RYR3: variants seen among roughly 807,000 people sequenced by gnomAD.
The protein encoded by RYR3 is brain ryanodine receptor-calcium release channel.
In RYR3, 207 loss-of-function variants were observed where a neutral mutation model predicts 584.3. The ratio of observed to expected loss-of-function variants is 0.35; its 90% CI spans 0.32 to 0.40. RYR3 has a LOEUF of 0.40. RYR3 is among the 10% of genes least tolerant of loss of function. The pLI, the probability that RYR3 is intolerant of heterozygous loss-of-function variation, is 1.00. For missense variants in RYR3, 5,616 were observed against 6,089.2 expected (o/e 0.92, Z 2.59); for synonymous variants, 2,416 against 2,248.5 (o/e 1.07, Z -2.11).
chr15:33,723,944 A>G (rs890794459), intron 44 of RYR3, 121 bp from the exon 45 acceptor site: 3 of 612,602 alleles, frequency 4.9e-6, no homozygotes, highest in Admixed American at 3.0e-5. Flanking sequence ...ACGAGGTTCC[A>G]AGGGAAAGGA....
intron 5 of RYR3, among the ~76,000 whole-genome samples, chr15:33,537,546 C>T (rs2055434962): frequency 6.6e-6 from 1 of 151,878 alleles, no homozygotes; most frequent in Middle Eastern, 3.4e-3. Flanking sequence ...AATTTTTTTT[C>T]CTCAGCTTCC....
intron 1 of RYR3, among the ~76,000 whole-genome samples, chr15:33,364,607 C>T (rs928521673): frequency 6.6e-6 from 1 of 152,166 alleles, no homozygotes; most frequent in Non-Finnish European, 1.5e-5. Flanking sequence ...TAAAAAGCAG[C>T]GTACCAGACA....
intron 20 of RYR3, among the ~76,000 whole-genome samples, chr15:33,628,028 A>G (rs2061080483): frequency 6.6e-6 from 1 of 152,226 alleles, no homozygotes; most frequent in South Asian, 2.1e-4. Context: ...AAGATTTTGA[A>G]GGAAAAATAA....
intron 74 of RYR3, 51 bp from the exon 75 acceptor site, chr15:33,816,811 G>A: frequency 8.0e-7 from 1 of 1,255,880 alleles, no homozygotes; most frequent in Non-Finnish European, 1.1e-6. Context: ...CAAACTAAAA[G>A]AACAAGTTCC....
chr15:33,636,881 A>C (rs12148702), intron 27 of RYR3, among the ~76,000 whole-genome samples: 125,144 of 152,202 alleles, frequency 0.82, 51,673 homozygotes, highest in Non-Finnish European at 0.85. Context: ...GACTAATGTC[A>C]TTGACAGGAG....
chr15:33,750,873 C>T (rs1406635263), intron 57 of RYR3, among the ~76,000 whole-genome samples: 2 of 152,068 alleles, frequency 1.3e-5, no homozygotes, highest in African/African-American at 2.4e-5. Context: ...CCCTCCCCTA[C>T]CCCCACAACC....
At chr15:33,467,723 G>C (rs2048600353) in intron 1 of RYR3, among the ~76,000 whole-genome samples, 1 of 152,192 alleles carries the variant, frequency 6.6e-6, no homozygotes, top group Admixed American at 6.5e-5. Context: ...GAACCACATA[G>C]CTTGGAGGGA....
intron 30 of RYR3, among the ~76,000 whole-genome samples, chr15:33,648,493 A>G (rs2062237928): frequency 6.6e-6 from 1 of 152,248 alleles, no homozygotes; most frequent in African/African-American, 2.4e-5. Context: ...AAACTGCTGT[A>G]CTTCTCAATA....
intron 1 of RYR3, among the ~76,000 whole-genome samples, chr15:33,460,429 G>A (rs1414192786): frequency 6.6e-6 from 1 of 152,214 alleles, no homozygotes; most frequent in Non-Finnish European, 1.5e-5. Flanking sequence ...AGAGCCTTGT[G>A]TAAATTGGGA....
At chr15:33,696,157 A>G (rs923204283) in intron 38 of RYR3, 61 bp from the exon 39 acceptor site, 79 of 1,523,018 alleles carry the variant, frequency 5.2e-5, no homozygotes, top group Non-Finnish European at 6.7e-5. Context: ...AGTGGCTGAA[A>G]CACCCAGCTC....
In RYR3 at chr15:33,636,563, C is replaced by T. The variant is rs768435627; in HGVS notation, c.3556+13C>T. The stretch of plus-strand genomic sequence containing the variant: ...GAGATTGAGAATGGTAAATCTAACA[C>T]CCTCTGCCAACCCCAGCTCCATGAG... On this transcript the variant is annotated intron_variant, in intron 27 of 103. Transcript: ENST00000634891. 3 of 1,561,888 alleles carry T rather than the reference C, an allele frequency of 1.9e-6. No homozygotes were observed. In the South Asian group the frequency reaches 3.7e-5, roughly 19 times the overall value.
In RYR3 at chr15:33,655,999, C is replaced by T. The variant is rs543216479; in HGVS notation, c.4308+3116C>T. ...TAAATAGTGATAAACAATTTGAACA[C>T]ATTTTTCTGTCCACTTAATATAATC... On this transcript the variant is annotated intron_variant, in intron 32 of 103. Transcript: ENST00000634891. 2.0e-5 allele frequency among the ~76,000 whole-genome samples: 3 copies of T among 152,324 alleles called. No individual in the cohort carries two copies. In the South Asian group the frequency reaches 6.2e-4, roughly 32 times the overall value.
chr15:33,814,861 A>G (rs1445806030), intron 74 of RYR3, among the ~76,000 whole-genome samples: 4 of 145,378 alleles, frequency 2.8e-5, no homozygotes. Context: ...AGATCACGCT[A>G]CTGCACTCTA....
At chr15:33,810,414 C>T (rs1388108829) in intron 70 of RYR3, 65 bp from the exon 71 acceptor site, 4 of 1,556,382 alleles carry the variant, frequency 2.6e-6, no homozygotes, top group Middle Eastern at 3.4e-4. Flanking sequence ...CTGCCTCTGA[C>T]AGGAGGCCGT....
intron 3 of RYR3, among the ~76,000 whole-genome samples, chr15:33,514,965 C>T (rs1303035621): frequency 6.6e-6 from 1 of 151,926 alleles, no homozygotes; most frequent in Non-Finnish European, 1.5e-5. Context: ...GATCGCGCCA[C>T]TGCACTCCAG....
At chr15:33,843,184 T>A in intron 91 of RYR3, among the ~76,000 whole-genome samples, 1 of 151,986 alleles carries the variant, frequency 6.6e-6, no homozygotes, top group Non-Finnish European at 1.5e-5. Context: ...GCCGGGTGTG[T>A]TGGCGGGCGC....
intron 84 of RYR3, among the ~76,000 whole-genome samples, 168 bp downstream of exon 84, chr15:33,826,920 A>C (rs62016698): frequency 0.26 from 39,908 of 152,078 alleles, 5,651 homozygotes; most frequent in South Asian, 0.38. Context: ...ATTTAGTGCC[A>C]CCAAGGCTAA....
Position 33,857,865 on chromosome 15 carries a change from A to G in RYR3, c.14093A>G (p.Lys4698Arg), listed in dbSNP as rs930473689. 1 of 1,614,072 alleles carries G rather than the reference A, an allele frequency of 6.2e-7. No individual in the cohort carries two copies. Residue 4698 changes from lysine (K) to arginine (R), a missense_variant, in exon 99 of 104, where the codon AAA (lysine) becomes AGA (arginine). Physicochemically the swap from Lys to Arg is conservative, Grantham distance 26 (BLOSUM62 2). Transcript: ENST00000634891. ...AACTTCTTCCGCAAGTTCTACAACA[A>G]AAGCGAAGACGATGACGAGCCCGAT... ...AFNFFRKFYN[K>R]SEDDDEPDMK...
chr15:33,680,868 G>A lies in RYR3; in HGVS notation c.5860+10312G>A, dbSNP rs181823143. On this transcript the variant is annotated intron_variant, in intron 38 of 103. Transcript: ENST00000634891. Reference sequence around the variant, plus strand: ...TTCAGCGTCTTTAATTTATTCAGGGGTAAATGTTGACATGCAGCCGGTTCT... The same window carrying A: ...TTCAGCGTCTTTAATTTATTCAGGGATAAATGTTGACATGCAGCCGGTTCT... Among the ~76,000 whole-genome samples, 14 of 152,290 alleles carry A rather than the reference G, an allele frequency of 9.2e-5. 1 individual carries two copies. The highest frequency in any genetic ancestry group is 9.1e-4 in the Admixed American group (14 of 15,304).
Sources: allele counts gnomAD v4.1 joint callset (sites outside exome capture counted in the v4.1 genomes callset), GRCh38; gene constraint gnomAD v4.1.1; transcripts MANE v1.5; gene names NCBI Gene and HGNC (gene_info 2026-07-23, HGNC 2026-07-21).